NFIC: variants seen among roughly 807,000 people sequenced by gnomAD.
The protein encoded by NFIC is nuclear factor 1 C-type.
A neutral mutation model predicts 54.4 loss-of-function variants in NFIC; 12 were observed. The ratio of observed to expected loss-of-function variants is 0.22; its 90% CI spans 0.14 to 0.36. The LOEUF (loss-of-function observed/expected upper bound fraction) is 0.36. Ranked by LOEUF, NFIC falls within the 10% of genes least tolerant of loss-of-function variation. The probability of loss-of-function intolerance (pLI) is 1.00; values close to 1 mark genes in which losing one functional copy is unlikely to be tolerated. For synonymous variants in NFIC, 322 were observed against 319.2 expected (o/e 1.01, Z -0.09); for missense variants, 575 against 718.2 (o/e 0.80, Z 2.28).
chr19:3,400,171 A>G (rs571220639), intron 2 of NFIC, among the ~76,000 whole-genome samples: 44 of 152,274 alleles, frequency 2.9e-4, no homozygotes, highest in African/African-American at 9.9e-4. Flanking sequence ...TGCAGTGAAC[A>G]GGACAGATAA....
Position 3,464,745 on chromosome 19 carries a change from C to G in NFIC, c.*1976C>G, listed in dbSNP as rs2082694188. On this transcript the variant is annotated 3_prime_UTR_variant, in exon 11 of 11. Transcript: ENST00000443272. The stretch of plus-strand genomic sequence containing the variant: ...TAAAGAGAAAGACCCAGGACCCTCC[C>G]CCATCACCCCCAAGAGAGGTTCGCC... 1.0e-6 allele frequency: 1 copy of G among 983,302 alleles called. No homozygotes were observed. The highest frequency in any genetic ancestry group is 4.7e-5 in the South Asian group (1 of 21,254). 60.9% of individuals were successfully genotyped at this position (983,302 alleles called of 1,614,324 possible).
chr19:3,462,255 G>C lies in NFIC; in HGVS notation c.1510-497G>C, dbSNP rs1035621194. Among the ~76,000 whole-genome samples the C allele has an allele frequency of 2.0e-5, 3 of 151,354 alleles. No individual in the cohort carries two copies. The South Asian group carries it at 6.3e-4, about 32-fold the overall frequency. The stretch of plus-strand genomic sequence containing the variant: ...AAATTATCCAGGTGTGGCGGTGGAC[G>C]CCTGTAATCCCAGCTACTCGGGAGG... On this transcript the variant is annotated intron_variant, in intron 10 of 10. Coordinates refer to ENST00000443272, the MANE Select transcript of NFIC (RefSeq NM_001245002.2).
chr19:3,452,638 G>A lies in NFIC; in HGVS notation c.1241G>A (p.Cys414Tyr). 1 of 1,611,338 alleles carries A rather than the reference G, an allele frequency of 6.2e-7. No homozygotes were observed. The highest frequency in any genetic ancestry group is 8.5e-7 in the Non-Finnish European group (1 of 1,178,892). ...DPLKDLVSLA[C>Y]DPASQQPGPL... ...CTCAAAGATCTTGTCTCGCTGGCCTGCGACCCAGCCAGCCAGCAACCTGGA... is the reference window on the plus strand; with the variant it reads ...CTCAAAGATCTTGTCTCGCTGGCCTACGACCCAGCCAGCCAGCAACCTGGA... Residue 414 changes from cysteine (C) to tyrosine (Y), a missense_variant, in exon 8 of 11, where the codon TGC (cysteine) becomes TAC (tyrosine). Around this residue, in one of 3 missense-constraint regions of NFIC, gnomAD observed 447 missense variants for 526.9 expected, o/e 0.85. Coordinates refer to ENST00000443272, the MANE Select transcript of NFIC (RefSeq NM_001245002.2). This position sits in a 1 kb window ranked among gnomAD's most constrained non-coding sequence, Gnocchi z 5.3.
chr19:3,398,599 A>AT (rs2081502212), intron 2 of NFIC, among the ~76,000 whole-genome samples: 1 of 152,102 alleles, frequency 6.6e-6, no homozygotes, highest in Admixed American at 6.5e-5. Flanking sequence ...AATCCCAGGC[A>AT]TCCCCCAGGC....
intron 2 of NFIC, among the ~76,000 whole-genome samples, chr19:3,409,118 T>G (rs1340619915): frequency 6.6e-6 from 1 of 152,116 alleles, no homozygotes; most frequent in African/African-American, 2.4e-5. Flanking sequence ...GGCCTCTCAC[T>G]GCAACACACA....
chr19:3,409,410 A>G (rs1365241941), intron 2 of NFIC, among the ~76,000 whole-genome samples: 1 of 152,052 alleles, frequency 6.6e-6, no homozygotes, highest in Non-Finnish European at 1.5e-5. Flanking sequence ...CGCCAGTTTC[A>G]TTGCCTCCGT....
In NFIC at chr19:3,464,614, G is replaced by A. The variant is rs1245871299; in HGVS notation, c.*1845G>A. 2 of 932,284 alleles carry A rather than the reference G, an allele frequency of 2.1e-6. No homozygotes were observed. Among genetic ancestry groups the A allele is most frequent in the Non-Finnish European group, 2.5e-6 (2 of 791,948 alleles). The allele number at this position is 932,284 out of a possible 1,614,324, so 57.8% of individuals were successfully genotyped here. A position where few individuals can be genotyped will look rare whatever the true frequency, so the allele number is the denominator to read the frequency against. On this transcript the variant is annotated 3_prime_UTR_variant, in exon 11 of 11. Transcript: ENST00000443272. ...CCTCCCCCGACCCAGGCCAAAGCCA[G>A]GGCAGGTCTCCGGGTCTCACCTGCT...
In NFIC at chr19:3,452,220, A is replaced by G. The variant is rs1599718874; in HGVS notation, c.1085-262A>G. On this transcript the variant is annotated intron_variant, in intron 7 of 10. Coordinates refer to ENST00000443272, the MANE Select transcript of NFIC (RefSeq NM_001245002.2). The surrounding 1 kb of genome is among the most constrained non-coding windows in gnomAD (Gnocchi z 5.3). Reference sequence around the variant, plus strand: ...CAGGAGTTCGAGACCTGCCTGGGCAACATAGCAAGACCCCCACCTCTACAA... The same window carrying G: ...CAGGAGTTCGAGACCTGCCTGGGCAGCATAGCAAGACCCCCACCTCTACAA... Among the ~76,000 whole-genome samples, 1 of 152,096 alleles carries G rather than the reference A, an allele frequency of 6.6e-6. No homozygotes were observed. Among genetic ancestry groups the G allele is most frequent in the African/African-American group, 2.4e-5 (1 of 41,408 alleles).
intron 1 of NFIC, among the ~76,000 whole-genome samples, chr19:3,378,913 A>G (rs1223916624): frequency 6.6e-6 from 1 of 151,922 alleles, no homozygotes; most frequent in African/African-American, 2.4e-5. Context: ...GTGCACTTGA[A>G]TCTCTTATCT....
In NFIC at chr19:3,462,802, G is replaced by A. The variant is rs755282101; in HGVS notation, c.*33G>A. On this transcript the variant is annotated 3_prime_UTR_variant, in exon 11 of 11. Transcript: ENST00000443272. ...CTTCTTCCCTCGCCCCTTCTCCATC[G>A]TCCCAGGAATCCCAGGGGGCAGCAC... 3.7e-6 allele frequency: 6 copies of A among 1,613,396 alleles called. No homozygotes were observed. The East Asian group carries it at 6.7e-5, about 18-fold the overall frequency.
intron 2 of NFIC, among the ~76,000 whole-genome samples, chr19:3,404,156 G>A (rs1246509491): frequency 7.2e-5 from 11 of 152,088 alleles, no homozygotes; most frequent in African/African-American, 2.4e-5. Flanking sequence ...CGTCACAGCC[G>A]CCGAGTCAGG....
At chr19:3,378,630 G>A (rs773217765) in intron 1 of NFIC, among the ~76,000 whole-genome samples, 2 of 152,226 alleles carry the variant, frequency 1.3e-5, no homozygotes, top group African/African-American at 4.8e-5. Flanking sequence ...TAGCATGGGT[G>A]TTGTGACTGC....
Position 3,463,478 on chromosome 19 carries a change from C to T in NFIC, c.*709C>T. 1 of 985,394 alleles carries T rather than the reference C, an allele frequency of 1.0e-6. No homozygotes were observed. The highest frequency in any genetic ancestry group is 1.2e-6 in the Non-Finnish European group (1 of 829,986). 61.0% of individuals were successfully genotyped at this position (985,394 alleles called of 1,614,324 possible). ...GGAAGTGAGGCCCAGGCACCTGCTGCCCCTCGAGGGGGCCCTGCCTGCCGC... is the reference window on the plus strand; with the variant it reads ...GGAAGTGAGGCCCAGGCACCTGCTGTCCCTCGAGGGGGCCCTGCCTGCCGC... On this transcript the variant is annotated 3_prime_UTR_variant, in exon 11 of 11. Coordinates refer to ENST00000443272, the MANE Select transcript of NFIC (RefSeq NM_001245002.2).
In NFIC at chr19:3,462,951, CAA is replaced by C. The variant is rs2082663052; in HGVS notation, c.*184_*185del. 6.3e-6 allele frequency: 9 copies of C among 1,439,884 alleles called. No individual in the cohort carries two copies. The highest frequency in any genetic ancestry group is 7.3e-6 in the Non-Finnish European group (8 of 1,102,708). 89.2% of individuals were successfully genotyped at this position (1,439,884 alleles called of 1,614,324 possible). A position where few individuals can be genotyped will look rare whatever the true frequency, so the allele number is the denominator to read the frequency against. ...ACACACTCAGGAGGAAAAGAAAAAA[CAA>C]AGGCAGAAGAAGAAGAAGAAGAAAT... On this transcript the variant is annotated 3_prime_UTR_variant, in exon 11 of 11. Transcript: ENST00000443272.
chr19:3,459,592 G>T lies in NFIC; in HGVS notation c.1509+2957G>T, dbSNP rs958430828. 6.6e-6 allele frequency among the ~76,000 whole-genome samples: 1 copy of T among 152,152 alleles called. No homozygotes were observed. Among genetic ancestry groups the T allele is most frequent in the Non-Finnish European group, 1.5e-5 (1 of 68,018 alleles). On this transcript the variant is annotated intron_variant, in intron 10 of 10. Coordinates refer to ENST00000443272, the MANE Select transcript of NFIC (RefSeq NM_001245002.2). This position sits in a 1 kb window ranked among gnomAD's most constrained non-coding sequence, Gnocchi z 4.2. ...CAGTCTCCCCTCAGCTGAGTGGGAG[G>T]ATGTGGAGTTGAGGGTGCCCCCACC...
At chr19:3,422,586 G>A (rs10412733) in intron 2 of NFIC, among the ~76,000 whole-genome samples, 7,872 of 151,400 alleles carry the variant, frequency 0.052, 322 homozygotes, top group African/African-American at 0.11. Context: ...GCGTGGTGGC[G>A]GGTGCCTGTA....
chr19:3,421,510 C>A (rs997304270), intron 2 of NFIC, among the ~76,000 whole-genome samples: 20 of 152,246 alleles, frequency 1.3e-4, no homozygotes, highest in Non-Finnish European at 2.8e-4. Context: ...ACACTCCCCT[C>A]GGCTGCTGTC....
At chr19:3,403,870 G>A (rs2081596948) in intron 2 of NFIC, among the ~76,000 whole-genome samples, 1 of 149,194 alleles carries the variant, frequency 6.7e-6, no homozygotes, top group Non-Finnish European at 1.5e-5. Context: ...GCCCGACATT[G>A]GCAGAGAGTG....
intron 2 of NFIC, among the ~76,000 whole-genome samples, chr19:3,418,702 AT>A (rs1235995272): frequency 1.3e-5 from 2 of 152,138 alleles, no homozygotes; most frequent in African/African-American, 4.8e-5. Context: ...AAATGCAAAA[AT>A]TAGCCAGGTG....
Sources: gnomAD v4.1 joint callset for allele counts (sites outside exome capture counted in the v4.1 genomes callset) on GRCh38, gnomAD v4.1.1 for gene constraint, gnomAD v4.1.1 regional missense constraint, Gnocchi (gnomAD v3.1) non-coding constraint, MANE v1.5 for transcripts, NCBI Gene and HGNC (gene_info 2026-07-23, HGNC 2026-07-21) for gene names.